MS4A13: variants seen among roughly 807,000 people sequenced by gnomAD.
MS4A13 encodes the protein membrane-spanning 4-domains subfamily A member 13.
In MS4A13, 21 loss-of-function variants were observed where a neutral mutation model predicts 18.4. The ratio of observed to expected loss-of-function variants is 1.14; its 90% confidence interval spans 0.81 to 1.64. The LOEUF (loss-of-function observed/expected upper bound fraction) is 1.64, where lower values mean the gene tolerates loss of function less well. Ranked by LOEUF, MS4A13 falls within the 40% of genes most tolerant of loss-of-function variation. The pLI is 0.00. For missense variants in MS4A13, 173 were observed against 176.8 expected (o/e 0.98, Z 0.12); for synonymous variants, 62 against 57.2 (o/e 1.08, Z -0.38).
chr11:60,541,032 A>T (rs992870728), intron 6 of MS4A13, among the ~76,000 whole-genome samples: 5 of 152,126 alleles, frequency 3.3e-5, no homozygotes, highest in African/African-American at 1.2e-4. Context: ...TCAGATATAA[A>T]TCTATTCATT....
chr11:60,520,648 G>T (rs2086667863), intron 3 of MS4A13, among the ~76,000 whole-genome samples: 2 of 152,350 alleles, frequency 1.3e-5, no homozygotes, highest in South Asian at 4.1e-4. Flanking sequence ...GCCTTGGGCT[G>T]CTCTACCCCT....
In MS4A13 at chr11:60,532,322, G is replaced by A. The variant is rs559726106; in HGVS notation, c.402+2862G>A. On this transcript the variant is annotated intron_variant, in intron 6 of 6. Coordinates refer to ENST00000378186, the MANE Select transcript of MS4A13 (RefSeq NM_001012417.3). ...GCAGGCCAGTGTGTGCACGCACCGT[G>A]CGCGAGCCGAAGCAGGGCGAGGCAT... is the stretch of plus-strand genomic sequence containing the variant. Among the ~76,000 whole-genome samples, 235 of 152,302 alleles carry A rather than the reference G, an allele frequency of 1.5e-3. 3 individuals are homozygous for A. The highest frequency in any genetic ancestry group is 5.4e-3 in the African/African-American group (226 of 41,566).
At chr11:60,539,738 G>T (rs1430903836) in intron 6 of MS4A13, among the ~76,000 whole-genome samples, 1 of 152,096 alleles carries the variant, frequency 6.6e-6, no homozygotes, top group East Asian at 1.9e-4. Context: ...ATATATAAGG[G>T]AACCACAATA....
At chr11:60,525,419 G>T in intron 5 of MS4A13, 93 bp downstream of exon 5, 1 of 803,740 alleles carries the variant, frequency 1.2e-6, no homozygotes, top group Non-Finnish European at 1.8e-6. Context: ...GCTTTTATTC[G>T]TCCTCATGAA....
In MS4A13 at chr11:60,532,150, G is replaced by C. The variant is rs141344770; in HGVS notation, c.402+2690G>C. Among the ~76,000 whole-genome samples the C allele has an allele frequency of 7.5e-4, 115 of 152,324 alleles. 2 individuals are homozygous for C. In the East Asian group the frequency reaches 0.02, roughly 26 times the overall value. ...TAACAAAGAAAGGCTTCAAAAATTAGTAAAGTAGGTTGGAGGAGCCAAGAT... is the reference window on the plus strand; with the variant it reads ...TAACAAAGAAAGGCTTCAAAAATTACTAAAGTAGGTTGGAGGAGCCAAGAT... On this transcript the variant is annotated intron_variant, in intron 6 of 6. Transcript: ENST00000378186.
intron 1 of MS4A13, 51 bp from the exon 2 acceptor site, chr11:60,515,918 C>A (rs79913929): frequency 6.6e-6 from 1 of 152,252 alleles, no homozygotes; most frequent in East Asian, 1.9e-4. Flanking sequence ...ATCAAACTTA[C>A]GTATTTTCTT....
Position 60,525,663 on chromosome 11 carries a change from TAAAC to T in MS4A13, c.306+341_306+344del, listed in dbSNP as rs553492885. Among the ~76,000 whole-genome samples the T allele has an allele frequency of 1.1e-4, 17 of 152,214 alleles. 1 individual carries two copies. In the South Asian group the frequency reaches 3.5e-3, roughly 32 times the overall value. On this transcript the variant is annotated intron_variant, in intron 5 of 6. Transcript: ENST00000378186. ...CTGGACAATAAAACCATTTTGCAAA[TAAAC>T]AAAAGAATTCTGCTACTGACACATA...
intron 6 of MS4A13, among the ~76,000 whole-genome samples, chr11:60,530,427 T>A (rs1245779366): frequency 2.0e-5 from 3 of 152,162 alleles, no homozygotes. Flanking sequence ...CAGAAACAAC[T>A]ATAAGACTAC....
chr11:60,522,433 C>T (rs2086683810), intron 3 of MS4A13, among the ~76,000 whole-genome samples: 1 of 151,878 alleles, frequency 6.6e-6, no homozygotes, highest in Non-Finnish European at 1.5e-5. Context: ...TAGAAACTGA[C>T]ATGTGATTCA....
At chr11:60,525,425 A>G (rs2086707136) in intron 5 of MS4A13, 99 bp downstream of exon 5, 2 of 769,378 alleles carry the variant, frequency 2.6e-6, no homozygotes, top group Non-Finnish European at 3.9e-6. Flanking sequence ...ATTCGTCCTC[A>G]TGAAATTCTT....
intron 6 of MS4A13, among the ~76,000 whole-genome samples, chr11:60,538,696 A>C (rs1045341123): frequency 6.7e-6 from 1 of 150,022 alleles, no homozygotes; most frequent in East Asian, 1.9e-4. Context: ...TTTTAAGATA[A>C]TCCCTATGAC....
At chr11:60,520,694 T>G (rs971396603) in intron 3 of MS4A13, among the ~76,000 whole-genome samples, 3 of 152,252 alleles carry the variant, frequency 2.0e-5, no homozygotes, top group Non-Finnish European at 4.4e-5. Context: ...TCTGGCTGTT[T>G]TCACAGGCTG....
chr11:60,526,752 G>A (rs1028489406), intron 5 of MS4A13, among the ~76,000 whole-genome samples: 7 of 152,198 alleles, frequency 4.6e-5, no homozygotes, highest in African/African-American at 1.7e-4. Context: ...AAGTCATCAA[G>A]TTTTCAGTGT....
At chr11:60,529,279 T>A in intron 5 of MS4A13, 86 bp from the exon 6 acceptor site, 6 of 233,510 alleles carry the variant, frequency 2.6e-5, no homozygotes, top group Non-Finnish European at 4.2e-5. Flanking sequence ...TTTTTTTGAC[T>A]CTCATACCAG....
chr11:60,539,241 A>G (rs1015598567), intron 6 of MS4A13, among the ~76,000 whole-genome samples: 3 of 152,052 alleles, frequency 2.0e-5, no homozygotes, highest in African/African-American at 7.2e-5. Context: ...AAGAATTATA[A>G]GATGGCAACA....
rs2086648497 is a variant in MS4A13 at position 60,518,029 on chromosome 11, T to A, written c.-12-43T>A. ...GTTAACACTTATTGGAATTGTGTTT[T>A]AAATTACATTATTTCGGTACTAACA... On this transcript the variant is annotated intron_variant, in intron 2 of 6. Coordinates refer to ENST00000378186, the MANE Select transcript of MS4A13 (RefSeq NM_001012417.3). The A allele has an allele frequency of 4.1e-6, 6 of 1,466,546 alleles. No individual in the cohort carries two copies. The South Asian group carries it at 6.7e-5, about 16-fold the overall frequency. The allele number at this position is 1,466,546 out of a possible 1,614,324, so 90.8% of individuals were successfully genotyped here. A position where few individuals can be genotyped will look rare whatever the true frequency, so the allele number is the denominator to read the frequency against.
At chr11:60,535,545 C>A (rs529513638) in intron 6 of MS4A13, among the ~76,000 whole-genome samples, 1 of 114,706 alleles carries the variant, frequency 8.7e-6, no homozygotes, top group South Asian at 3.3e-4. Context: ...GTTTACCAAC[C>A]AAAAAGAGTC....
chr11:60,538,094 G>A (rs900833997), intron 6 of MS4A13, among the ~76,000 whole-genome samples: 1 of 150,530 alleles, frequency 6.6e-6, no homozygotes, highest in Non-Finnish European at 1.5e-5. Context: ...ACGTTGGTGG[G>A]TGCAGCGCAC....
At chr11:60,518,793 G>A (rs1332942016) in intron 3 of MS4A13, among the ~76,000 whole-genome samples, 1 of 152,192 alleles carries the variant, frequency 6.6e-6, no homozygotes. Flanking sequence ...AATTTTACAA[G>A]TAGTTTCAGT....
Sources: gnomAD v4.1 joint callset for allele counts (sites outside exome capture counted in the v4.1 genomes callset) on GRCh38, gnomAD v4.1.1 for gene constraint, MANE v1.5 for transcripts, NCBI Gene and HGNC (gene_info 2026-07-23, HGNC 2026-07-21) for gene names.